COL4A6: variants seen among roughly 807,000 people sequenced by gnomAD.
COL4A6 encodes the protein collagen type IV alpha 6 chain.
Under a neutral mutation model 126.7 loss-of-function variants are expected in COL4A6, and 59 were observed. That is an observed-to-expected ratio of 0.47 (90% CI 0.38 to 0.58). COL4A6 has a LOEUF of 0.58. COL4A6 is among the 20% of genes least tolerant of loss of function. The probability of loss-of-function intolerance (pLI) is 0.00; values close to 1 mark genes in which losing one functional copy is unlikely to be tolerated. For missense variants in COL4A6, 1,285 were observed against 1,337.3 expected (o/e 0.96, Z 0.61); for synonymous variants, 547 against 496.6 (o/e 1.10, Z -1.35).
intron 3 of COL4A6, among the ~76,000 whole-genome samples, chrX:108,298,146 T>C (rs773932784): frequency 1.6e-4 from 18 of 111,717 alleles, no homozygotes; most frequent in South Asian, 1.2e-3. Flanking sequence ...AGTCTAGCGC[T>C]CTCCCTTTCT....
At chrX:108,421,019 C>T (rs1310078305) in intron 2 of COL4A6, among the ~76,000 whole-genome samples, 1 of 112,118 alleles carries the variant, frequency 8.9e-6, no homozygotes, top group Non-Finnish European at 1.9e-5. Flanking sequence ...TAATTTAACG[C>T]TAACTAGTCT....
chrX:108,331,948 C>T (rs770190731), intron 2 of COL4A6, among the ~76,000 whole-genome samples: 9 of 111,169 alleles, frequency 8.1e-5, no homozygotes, highest in Non-Finnish European at 1.7e-4. Flanking sequence ...TTACCCATCA[C>T]CCAAACAGTG....
At chrX:108,397,621 G>A (rs970031943) in intron 2 of COL4A6, among the ~76,000 whole-genome samples, 2 of 89,004 alleles carry the variant, frequency 2.2e-5, no homozygotes, top group Non-Finnish European at 4.5e-5. Flanking sequence ...AGAACAAGCA[G>A]AGAGGAGCCA....
intron 3 of COL4A6, among the ~76,000 whole-genome samples, chrX:108,251,782 G>A (rs181748411): frequency 1.8e-5 from 2 of 111,670 alleles, no homozygotes; most frequent in East Asian, 2.8e-4. Flanking sequence ...ATATTCTACA[G>A]TGTATGGTTA....
At chrX:108,326,635 A>C (rs1318643169) in intron 2 of COL4A6, among the ~76,000 whole-genome samples, 1 of 112,592 alleles carries the variant, frequency 8.9e-6, no homozygotes, top group Non-Finnish European at 1.9e-5. Flanking sequence ...AAATAGAGCC[A>C]CATATATATA....
chrX:108,241,085 G>A (rs749394620), intron 3 of COL4A6, among the ~76,000 whole-genome samples: 1 of 110,498 alleles, frequency 9.0e-6, no homozygotes, highest in East Asian at 2.8e-4. Context: ...CTTATGATTT[G>A]GGCCCCTATA....
chrX:108,346,323 CA>C (rs1179155865), intron 2 of COL4A6, among the ~76,000 whole-genome samples: 5 of 111,033 alleles, frequency 4.5e-5, no homozygotes, highest in African/African-American at 1.6e-4. Context: ...TGAGACAGGA[CA>C]GGTGAAATTA....
chrX:108,161,008 T>C (rs2033914897), intron 42 of COL4A6, among the ~76,000 whole-genome samples: 1 of 111,973 alleles, frequency 8.9e-6, no homozygotes, highest in Non-Finnish European at 1.9e-5. Context: ...AGGTCCAGCC[T>C]TGCAGGCCCT....
chrX:108,231,906 G>A (rs750098270), intron 3 of COL4A6, among the ~76,000 whole-genome samples: 1 of 111,823 alleles, frequency 8.9e-6, no homozygotes, highest in Admixed American at 9.5e-5. Flanking sequence ...AAAAGATGGG[G>A]GATTTCTTCT....
At position 108,174,500 on chromosome X, in the gene COL4A6, G is replaced by A. The variant is rs5973851; in HGVS notation, c.3078C>T (p.Gly1026=). The A allele has an allele frequency of 0.25, 303,378 of 1,208,104 alleles. 30,479 individuals are homozygous for A. Among genetic ancestry groups the A allele is most frequent in the East Asian group, 0.66 (22,276 of 33,573 alleles). ...PGPPGFMGIR[G]LPGLKGSSGI... ...CAGAGGACCCCTTCAGGCCAGGTAAGCCCCGGATTCCCATGAAGCCAGGGG... is the reference window on the plus strand; with the variant it reads ...CAGAGGACCCCTTCAGGCCAGGTAAACCCCGGATTCCCATGAAGCCAGGGG... The change falls in exon 31 of 45, where the codon GGC becomes GGT. Residue 1026 remains glycine, a synonymous_variant. Coordinates refer to ENST00000334504, the MANE Select transcript of COL4A6 (RefSeq NM_033641.4).
chrX:108,169,642 G>A (rs1261897134), intron 36 of COL4A6, 22 bp from the exon 37 acceptor site: 1 of 1,198,729 alleles, frequency 8.3e-7, no homozygotes, highest in Non-Finnish European at 1.1e-6. Context: ...TGCAGGGGTA[G>A]GGGGCAGACC....
In COL4A6 at chrX:108,170,033, T is replaced by C; in HGVS notation, c.3494-17A>G. The C allele has an allele frequency of 1.7e-6, 2 of 1,164,434 alleles. No individual in the cohort carries two copies. The highest frequency in any genetic ancestry group is 2.3e-6 in the Non-Finnish European group (2 of 864,603). On this transcript the variant is annotated splice_polypyrimidine_tract_variant and intron_variant, in intron 35 of 44. Transcript: ENST00000334504. ...CAGGGAAGCCTGAGGGGAGAGAATG[T>C]CAAAAATGGCTCCAGCAACTCTGAA...
chrX:108,369,976 A>G (rs1016589242), intron 2 of COL4A6, among the ~76,000 whole-genome samples: 1 of 112,071 alleles, frequency 8.9e-6, no homozygotes, highest in Non-Finnish European at 1.9e-5. Context: ...ACTCTAATCC[A>G]ATCTTAACTC....
In COL4A6 at chrX:108,188,526, T is replaced by G; in HGVS notation, c.1578A>C (p.Ala526=). 6 of 1,121,807 alleles carry G rather than the reference T, an allele frequency of 5.3e-6. No individual in the cohort carries two copies. The highest frequency in any genetic ancestry group is 7.0e-6 in the Non-Finnish European group (6 of 851,473). 92.4% of individuals were successfully genotyped at this position (1,121,807 alleles called of 1,213,427 possible). A position where few individuals can be genotyped will look rare whatever the true frequency, so the allele number is the denominator to read the frequency against. The change falls in exon 21 of 45, where the codon GCA becomes GCC. Residue 526 remains alanine, a synonymous_variant. Transcript: ENST00000334504. ...GTTTGGCAAGACTTACTGGAGCCCC[T>G]GCTGGGCCCTGTGCACCCCCAGAGC... ...DRGSGGAQGP[A]GAPGLVGPLG... is the part of the protein sequence containing the mutation.
rs1339928872 is a variant in COL4A6 at position 108,251,711 on chromosome X, G to A, written c.145-30337C>T. Among the ~76,000 whole-genome samples, 5 of 111,623 alleles carry A rather than the reference G, an allele frequency of 4.5e-5. No homozygotes were observed. In the East Asian group the frequency reaches 8.4e-4, roughly 19 times the overall value. ...AAAGTAATGTTATAGAGTAAATAAA[G>A]GCACAAACATAAATTTCCATGCCAA... On this transcript the variant is annotated intron_variant, in intron 3 of 44. Transcript: ENST00000334504.
chrX:108,192,458 GT>G lies in COL4A6; in HGVS notation c.1180+14del. 8.7e-7 allele frequency: 1 copy of G among 1,143,343 alleles called. No individual in the cohort carries two copies. The allele number at this position is 1,143,343 out of a possible 1,213,427, so 94.2% of individuals were successfully genotyped here. On this transcript the variant is annotated intron_variant, in intron 18 of 44. Transcript: ENST00000334504. Reference sequence around the variant, plus strand: ...GAGGACTGATCTGTGTAGGAAATGGGTTAGTTTTTTTCACCTGATAATGCTG... The same window carrying G: ...GAGGACTGATCTGTGTAGGAAATGGGTAGTTTTTTTCACCTGATAATGCTG...
chrX:108,279,334 G>T (rs1039057482), intron 3 of COL4A6, among the ~76,000 whole-genome samples: 1 of 111,052 alleles, frequency 9.0e-6, no homozygotes, highest in Non-Finnish European at 1.9e-5. Flanking sequence ...AAAGGCAGGG[G>T]TTGCAATCCT....
At chrX:108,383,770 AG>A in intron 2 of COL4A6, 1 of 520,538 alleles carries the variant, frequency 1.9e-6, no homozygotes, top group Middle Eastern at 3.3e-4. Context: ...TGGGTACATC[AG>A]GATTGCTTTG....
At chrX:108,320,051 T>C (rs1476057248) in intron 2 of COL4A6, among the ~76,000 whole-genome samples, 1 of 111,531 alleles carries the variant, frequency 9.0e-6, no homozygotes, top group Non-Finnish European at 1.9e-5. Flanking sequence ...GGTAGGGTAG[T>C]TGATGTGGTA....
Sources: gnomAD v4.1 joint callset for allele counts (sites outside exome capture counted in the v4.1 genomes callset) on GRCh38, gnomAD v4.1.1 for gene constraint, MANE v1.5 for transcripts, NCBI Gene and HGNC (gene_info 2026-07-23, HGNC 2026-07-21) for gene names.